Variants in WWC2 observed in about 807,000 individuals in gnomAD.
WWC2 encodes WW and C2 domain containing 2.
A neutral mutation model predicts 138.5 loss-of-function variants in WWC2; 101 were observed. The ratio of observed to expected loss-of-function variants is 0.73; its 90% CI spans 0.62 to 0.86. The LOEUF (loss-of-function observed/expected upper bound fraction) is 0.86. Ranked by LOEUF, WWC2 falls within the 40% of genes least tolerant of loss-of-function variation. The pLI is 0.00. For synonymous variants in WWC2, 558 were observed against 538.4 expected (o/e 1.04, Z -0.50); for missense variants, 1,420 against 1,419.4 (o/e 1.00, Z -0.01).
intron 21 of WWC2, among the ~76,000 whole-genome samples, chr4:183,308,655 A>G (rs1739102743): frequency 6.6e-6 from 1 of 152,174 alleles, no homozygotes; most frequent in African/African-American, 2.4e-5. Context: ...ATGGTATAGT[A>G]TTTGCATATA....
At chr4:183,295,813 T>C (rs1580160188) in intron 21 of WWC2, among the ~76,000 whole-genome samples, 1 of 152,274 alleles carries the variant, frequency 6.6e-6, no homozygotes, top group East Asian at 1.9e-4. Flanking sequence ...CCCTTGTTTG[T>C]TTGTTTTCGT....
chr4:183,102,372 G>T lies in WWC2; in HGVS notation c.131+2750G>T, dbSNP rs191774242. ...TACTAGCATGGACAGTATTTACTCA[G>T]TGTGTATTGTGTGCTAGGCACTCTG... On this transcript the variant is annotated intron_variant, in intron 1 of 22. Coordinates refer to ENST00000403733, the MANE Select transcript of WWC2 (RefSeq NM_024949.6). Among the ~76,000 whole-genome samples, 1,105 of 152,306 alleles carry T rather than the reference G, an allele frequency of 7.3e-3. 17 individuals carry two copies. Among genetic ancestry groups the T allele is most frequent in the Non-Finnish European group, 9.1e-3 (617 of 68,022 alleles).
At chr4:183,130,296 C>A (rs1033556434) in intron 1 of WWC2, among the ~76,000 whole-genome samples, 14 of 152,194 alleles carry the variant, frequency 9.2e-5, no homozygotes, top group Non-Finnish European at 2.1e-4. Flanking sequence ...TCATGATCTA[C>A]CTGCCTCGGC....
intron 4 of WWC2, among the ~76,000 whole-genome samples, chr4:183,219,563 GATA>G (rs938565633): frequency 6.6e-6 from 1 of 152,086 alleles, no homozygotes; most frequent in African/African-American, 2.4e-5. Flanking sequence ...TTTAAACAAA[GATA>G]ATAAAATAGG....
At chr4:183,153,645 C>CTTTT (rs397964355) in intron 1 of WWC2, among the ~76,000 whole-genome samples, 240 of 129,044 alleles carry the variant, frequency 1.9e-3, no homozygotes, top group African/African-American at 6.7e-3. Context: ...TAGAAGTAGT[C>CTTTT]TTTTTTTTTT....
In WWC2 at chr4:183,284,273, A is replaced by C. The variant is rs144286514; in HGVS notation, c.2931A>C (p.Ala977=). The change falls in exon 19 of 23, where the codon GCA becomes GCC. Residue 977 remains alanine (A), a synonymous_variant. Coordinates refer to ENST00000403733, the MANE Select transcript of WWC2 (RefSeq NM_024949.6). ...NTDEAANDNM[A]VRPKERSSLS... ...ATGAAGCCGCTAATGACAATATGGC[A>C]GTTCGCCCCAAAGAGCGCAGCAGCC... is the stretch of plus-strand genomic sequence containing the variant. The C allele has an allele frequency of 3.0e-4, 477 of 1,613,944 alleles. 1 individual carries two copies. The highest frequency in any genetic ancestry group is 3.8e-4 in the Non-Finnish European group (452 of 1,179,904).
chr4:183,187,307 A>C (rs1360410239), intron 1 of WWC2, among the ~76,000 whole-genome samples: 1 of 152,092 alleles, frequency 6.6e-6, no homozygotes, highest in Admixed American at 6.6e-5. Flanking sequence ...TAATCTCAGC[A>C]CTTTGGGAGG....
At chr4:183,106,336 T>C (rs182206056) in intron 1 of WWC2, among the ~76,000 whole-genome samples, 28 of 152,302 alleles carry the variant, frequency 1.8e-4, no homozygotes, top group Admixed American at 1.8e-3. Flanking sequence ...GAGATACAAA[T>C]GATTTATCAA....
At chr4:183,291,758 A>AT (rs933606133) in intron 21 of WWC2, among the ~76,000 whole-genome samples, 1 of 151,876 alleles carries the variant, frequency 6.6e-6, no homozygotes, top group Non-Finnish European at 1.5e-5. Flanking sequence ...ATTGCATTTC[A>AT]TTTTTTTTGA....
chr4:183,134,133 G>T (rs1733035744), intron 1 of WWC2, among the ~76,000 whole-genome samples: 1 of 151,622 alleles, frequency 6.6e-6, no homozygotes, highest in Non-Finnish European at 1.5e-5. Flanking sequence ...TATAACATCT[G>T]TTGTCTCTCT....
At chr4:183,277,924 G>C (rs1737916059) in intron 16 of WWC2, among the ~76,000 whole-genome samples, 1 of 151,028 alleles carries the variant, frequency 6.6e-6, no homozygotes, top group South Asian at 2.1e-4. Context: ...CCATTTTGTA[G>C]GTTGCCTGTT....
chr4:183,133,640 A>G (rs892547166), intron 1 of WWC2, among the ~76,000 whole-genome samples: 2 of 151,956 alleles, frequency 1.3e-5, no homozygotes, highest in East Asian at 1.9e-4. Flanking sequence ...AGGATTACAG[A>G]TGCCCACCAC....
intron 1 of WWC2, among the ~76,000 whole-genome samples, chr4:183,193,240 A>G (rs971009788): frequency 2.6e-5 from 4 of 152,208 alleles, no homozygotes; most frequent in East Asian, 1.9e-4. Flanking sequence ...TAGGATTTTC[A>G]TGATACCAGT....
chr4:183,101,094 C>T (rs888720127), intron 1 of WWC2, among the ~76,000 whole-genome samples: 1 of 152,208 alleles, frequency 6.6e-6, no homozygotes, highest in Non-Finnish European at 1.5e-5. Flanking sequence ...AAATATTTGA[C>T]TTTTACAGTT....
At chr4:183,271,303 T>G in intron 16 of WWC2, 62 bp downstream of exon 16, 1 of 1,343,308 alleles carries the variant, frequency 7.4e-7, no homozygotes, top group Non-Finnish European at 9.9e-7. Context: ...AATACATATA[T>G]GAAAGTAATA....
chr4:183,208,506 A>G (rs993873007), intron 3 of WWC2, among the ~76,000 whole-genome samples: 3 of 152,180 alleles, frequency 2.0e-5, no homozygotes, highest in African/African-American at 7.2e-5. Flanking sequence ...AACTGGAACT[A>G]TTACCTAGAG....
At chr4:183,281,400 G>C (rs1180466062) in intron 17 of WWC2, 2 of 155,630 alleles carry the variant, frequency 1.3e-5, no homozygotes, top group Non-Finnish European at 2.8e-5. Flanking sequence ...GAGGCAGAGG[G>C]GGAAGTTATT....
At chr4:183,247,571 CTATATACTATATACTA>C (rs1464819483) in intron 6 of WWC2, among the ~76,000 whole-genome samples, 2 of 131,044 alleles carry the variant, frequency 1.5e-5, no homozygotes, top group African/African-American at 3.1e-5. Flanking sequence ...TATATATGCT[CTATATACTATATACTA>C]TATATATGCT....
chr4:183,291,446 A>G (rs1430379900), intron 21 of WWC2, among the ~76,000 whole-genome samples: 1 of 152,140 alleles, frequency 6.6e-6, no homozygotes, highest in Non-Finnish European at 1.5e-5. Context: ...AATAACCAAC[A>G]TTTTTACTCT....
Sources: gnomAD v4.1 joint callset for allele counts (sites outside exome capture counted in the v4.1 genomes callset) on GRCh38, gnomAD v4.1.1 for gene constraint, MANE v1.5 for transcripts, NCBI Gene and HGNC (gene_info 2026-07-23, HGNC 2026-07-21) for gene names.